Variants in PCDHA10 observed in about 807,000 individuals in gnomAD.
The protein encoded by PCDHA10 is protocadherin alpha-10.
PCDHA10 carries 45 observed loss-of-function variants against 61.2 expected under a neutral mutation model. That is an observed-to-expected ratio of 0.74 (90% CI 0.58 to 0.94). The LOEUF (loss-of-function observed/expected upper bound fraction) is 0.94. PCDHA10 is among the 40% of genes least tolerant of loss of function. The probability of loss-of-function intolerance (pLI) is 0.00; values close to 1 mark genes in which losing one functional copy is unlikely to be tolerated. For missense variants in PCDHA10, 1,278 were observed against 1,236.2 expected, an observed-to-expected ratio of 1.03 and a Z score of -0.51; for synonymous variants, 602 against 548.8, an observed-to-expected ratio of 1.10 and a Z score of -1.35.
chr5:140,928,697 G>A (rs1554206190), intron 1 of PCDHA10: 1 of 1,614,122 alleles, frequency 6.2e-7, no homozygotes, highest in Non-Finnish European at 8.5e-7. Context: ...CACATCTCCC[G>A]GGCGTCTGAC....
intron 1 of PCDHA10, chr5:140,968,380 C>T: frequency 6.2e-7 from 1 of 1,614,072 alleles, no homozygotes; most frequent in Non-Finnish European, 8.5e-7. Context: ...ACTCCTTTGA[C>T]TATGAGAAGT....
At position 140,863,274 on chromosome 5, in the gene PCDHA10, G is replaced by T. The variant is rs782533377; in HGVS notation, c.2388+4838G>T. 8.9e-6 allele frequency: 13 copies of T among 1,461,580 alleles called. No individual in the cohort carries two copies. In the African/African-American group the frequency reaches 1.8e-4, roughly 21 times the overall value. 90.5% of individuals were successfully genotyped at this position (1,461,580 alleles called of 1,614,324 possible). On this transcript the variant is annotated intron_variant, in intron 1 of 3. Coordinates refer to ENST00000307360, the MANE Select transcript of PCDHA10 (RefSeq NM_018901.4). Reference sequence around the variant, plus strand: ...TCGAGGTCCGGGAGGCAGCGCTGGTGGATGTCAACGTGTACCTGATCATCG... The same window carrying T: ...TCGAGGTCCGGGAGGCAGCGCTGGTTGATGTCAACGTGTACCTGATCATCG...
intron 1 of PCDHA10, chr5:140,866,939 C>A (rs2049664187): frequency 6.6e-6 from 1 of 152,126 alleles, no homozygotes; most frequent in Admixed American, 6.6e-5. Context: ...ATAATCTCTT[C>A]ACTAGGGGCT....
chr5:140,917,440 C>A (rs913046487), intron 1 of PCDHA10, among the ~76,000 whole-genome samples: 1 of 151,666 alleles, frequency 6.6e-6, no homozygotes, highest in Non-Finnish European at 1.5e-5. Flanking sequence ...TTTGTTTTTG[C>A]TGCAAGAGCG....
chr5:140,860,972 C>G (rs539931081), intron 1 of PCDHA10: 1 of 152,196 alleles, frequency 6.6e-6, no homozygotes, highest in Non-Finnish European at 1.5e-5. Context: ...CTCCTGACCT[C>G]GTGATCCACC....
chr5:140,995,993 A>G (rs1017469411), intron 3 of PCDHA10, among the ~76,000 whole-genome samples: 16 of 152,226 alleles, frequency 1.1e-4, no homozygotes, highest in Non-Finnish European at 1.8e-4. Context: ...GCCACTCAAA[A>G]ATGTCGTCAG....
intron 1 of PCDHA10, among the ~76,000 whole-genome samples, chr5:140,946,305 T>C (rs1484740423): frequency 6.6e-6 from 1 of 151,868 alleles, no homozygotes; most frequent in East Asian, 1.9e-4. Flanking sequence ...CCTGGTAGAA[T>C]GGCTATTATT....
At chr5:140,865,675 A>G (rs564629506) in intron 1 of PCDHA10, 8 of 152,324 alleles carry the variant, frequency 5.3e-5, no homozygotes, top group African/African-American at 1.9e-4. Flanking sequence ...AACAATTTCT[A>G]AAGTACATAT....
intron 1 of PCDHA10, among the ~76,000 whole-genome samples, chr5:140,965,785 T>C (rs1315730975): frequency 1.3e-5 from 2 of 152,222 alleles, no homozygotes; most frequent in East Asian, 3.8e-4. Context: ...GCCTACAGCT[T>C]CATGGAGACT....
At chr5:140,975,917 A>C (rs1287006605) in intron 1 of PCDHA10, among the ~76,000 whole-genome samples, 1 of 152,220 alleles carries the variant, frequency 6.6e-6, no homozygotes, top group Non-Finnish European at 1.5e-5. Context: ...TATTCTACCA[A>C]AAGACTAACC....
chr5:140,870,731 C>T (rs782095287), intron 1 of PCDHA10: 3 of 1,613,444 alleles, frequency 1.9e-6, no homozygotes, highest in Non-Finnish European at 2.5e-6. Context: ...GGCGTGCCGC[C>T]TCTGAGCAGC....
At chr5:140,911,614 G>C (rs1298073663) in intron 1 of PCDHA10, among the ~76,000 whole-genome samples, 1 of 152,152 alleles carries the variant, frequency 6.6e-6, no homozygotes, top group Non-Finnish European at 1.5e-5. Flanking sequence ...ATGTTCCTTA[G>C]TTCCCCACAT....
intron 3 of PCDHA10, among the ~76,000 whole-genome samples, chr5:140,984,282 C>T (rs543279467): frequency 6.6e-6 from 1 of 152,296 alleles, no homozygotes; most frequent in Admixed American, 6.5e-5. Flanking sequence ...ATACATTCTC[C>T]CTCCCATTGG....
chr5:141,005,701 C>CAAAAAAAA (rs59860837), intron 3 of PCDHA10, among the ~76,000 whole-genome samples: 3 of 7,792 alleles, frequency 3.9e-4, no homozygotes, highest in East Asian at 6.4e-3. Flanking sequence ...AACTCCGTCT[C>CAAAAAAAA]AAAAAAAAAA....
At chr5:140,967,585 C>T (rs1278675624) in intron 1 of PCDHA10, 1 of 1,614,152 alleles carries the variant, frequency 6.2e-7, no homozygotes, top group Non-Finnish European at 8.5e-7. Flanking sequence ...CACCCCCAGG[C>T]ACATTGGTGG....
rs781995177 is a variant in PCDHA10, at chr5:140,857,719, G to A, written c.1671G>A (p.Glu557=). ...CGCTGCAGGTGTTCGTGCTGGACGAGAACGACAACGCTCCCGCGCTGCTGG... is the reference window on the plus strand; with the variant it reads ...CGCTGCAGGTGTTCGTGCTGGACGAAAACGACAACGCTCCCGCGCTGCTGG... The part of the protein sequence containing the change: ...NLTLQVFVLD[E]NDNAPALLAS... Residue 557 remains glutamate, a synonymous_variant, in exon 1 of 4, where the codon GAG becomes GAA. Transcript: ENST00000307360. 1 of 1,597,526 alleles carries A rather than the reference G, an allele frequency of 6.3e-7. No homozygotes were observed.
chr5:140,875,803 G>C (rs370212231), intron 1 of PCDHA10: 17 of 1,614,218 alleles, frequency 1.1e-5, no homozygotes, highest in Non-Finnish European at 1.4e-5. Context: ...GGTGATCGTG[G>C]ACAGGCCGCT....
At chr5:141,000,430 T>A (rs1295455270) in intron 3 of PCDHA10, among the ~76,000 whole-genome samples, 2 of 126,420 alleles carry the variant, frequency 1.6e-5, no homozygotes, top group African/African-American at 6.1e-5. Context: ...TATTTTTTTT[T>A]TTTTTTTTTT....
At chr5:140,883,897 G>A in intron 1 of PCDHA10, 1 of 1,613,332 alleles carries the variant, frequency 6.2e-7, no homozygotes, top group Non-Finnish European at 8.5e-7. Flanking sequence ...CTGGCGTGCC[G>A]CCTCTGGGCA....
Sources: gnomAD v4.1 joint callset for allele counts (sites outside exome capture counted in the v4.1 genomes callset) on GRCh38, gnomAD v4.1.1 for gene constraint, MANE v1.5 for transcripts, NCBI Gene and HGNC (gene_info 2026-07-23, HGNC 2026-07-21) for gene names.